The following DPP6 variants were observed in gnomAD, a reference collection of about 807,000 sequenced individuals.
DPP6 encodes dipeptidyl peptidase like 6.
DPP6 carries 69 observed loss-of-function variants against 122.6 expected under a neutral mutation model. That is an observed-to-expected ratio of 0.56 (90% CI 0.46 to 0.69). DPP6 has a LOEUF of 0.69. DPP6 is among the 30% of genes least tolerant of loss of function. DPP6 has a pLI of 0.00. For missense variants in DPP6, 928 were observed against 1,116.9 expected, an observed-to-expected ratio of 0.83 and a Z score of 2.41; for synonymous variants, 418 against 433.1, an observed-to-expected ratio of 0.97 and a Z score of 0.43.
intron 1 of DPP6, among the ~76,000 whole-genome samples, chr7:154,309,523 A>G (rs778286567): frequency 7.2e-5 from 11 of 152,214 alleles, no homozygotes; most frequent in Non-Finnish European, 1.5e-4. Context: ...CCGGAAGGGC[A>G]CATAGGTAAT....
intron 8 of DPP6, among the ~76,000 whole-genome samples, chr7:154,728,369 G>A (rs1027110777): frequency 3.9e-5 from 6 of 152,172 alleles, no homozygotes; most frequent in African/African-American, 9.7e-5. Context: ...TGCTGAGAGC[G>A]CCTCCACCTT....
At chr7:154,584,495 C>T (rs1023620671) in intron 5 of DPP6, among the ~76,000 whole-genome samples, 2 of 152,220 alleles carry the variant, frequency 1.3e-5, no homozygotes, top group East Asian at 1.9e-4. Flanking sequence ...AATAGAGCCT[C>T]GAGAAATATC....
the DPP6 span, among the ~76,000 whole-genome samples, chr7:153,785,989 AT>A: frequency 6.6e-6 from 1 of 151,590 alleles, no homozygotes; most frequent in Admixed American, 6.6e-5. Context: ...GTGTTTAAAT[AT>A]TTGTTATTTC....
intron 1 of DPP6, among the ~76,000 whole-genome samples, chr7:154,185,875 C>T (rs1051932657): frequency 3.3e-5 from 5 of 152,100 alleles, no homozygotes; most frequent in Admixed American, 2.6e-4. Context: ...CTGGGTAGAA[C>T]CAAAATAATG....
chr7:154,289,690 C>G (rs1298609308), intron 1 of DPP6, among the ~76,000 whole-genome samples: 1 of 152,168 alleles, frequency 6.6e-6, no homozygotes, highest in African/African-American at 2.4e-5. Flanking sequence ...CTTGTGGTAA[C>G]ACCTAGGCAG....
intron 1 of DPP6, among the ~76,000 whole-genome samples, chr7:154,313,712 T>TATATATATATATATATATATATTC: frequency 8.0e-5 from 2 of 24,922 alleles, no homozygotes; most frequent in East Asian, 2.1e-3. Flanking sequence ...TATATATATA[T>TATATATATATATATATATATATTC]ATACACACAC....
At chr7:154,078,219 T>C (rs1284397680) in intron 1 of DPP6, among the ~76,000 whole-genome samples, 3 of 152,168 alleles carry the variant, frequency 2.0e-5, no homozygotes, top group African/African-American at 7.2e-5. Flanking sequence ...TCTGCTTTCA[T>C]TGAATCCTTC....
At chr7:154,235,142 A>C (rs1801129450) in intron 1 of DPP6, among the ~76,000 whole-genome samples, 1 of 151,830 alleles carries the variant, frequency 6.6e-6, no homozygotes. Flanking sequence ...CATTTTTATC[A>C]CCCCCGAAGG....
At chr7:154,063,701 A>AG (rs1445282306) in intron 1 of DPP6, among the ~76,000 whole-genome samples, 9 of 144,688 alleles carry the variant, frequency 6.2e-5, no homozygotes, top group Middle Eastern at 3.5e-3. Context: ...ACCTCCCGTG[A>AG]GGTGGGGACT....
At chr7:154,261,505 A>G (rs1803014566) in intron 1 of DPP6, among the ~76,000 whole-genome samples, 1 of 152,222 alleles carries the variant, frequency 6.6e-6, no homozygotes. Flanking sequence ...TAAGAACCCA[A>G]AAGTAAGTGC....
chr7:154,532,273 T>C (rs758824602), intron 3 of DPP6, among the ~76,000 whole-genome samples: 4 of 152,162 alleles, frequency 2.6e-5, no homozygotes, highest in Middle Eastern at 6.8e-3. Context: ...TGAGGGAAAA[T>C]TGGAAATAAT....
chr7:154,674,758 G>A (rs1331143242), intron 7 of DPP6, among the ~76,000 whole-genome samples: 1 of 152,190 alleles, frequency 6.6e-6, no homozygotes, highest in Admixed American at 6.5e-5. Context: ...GAAACCTGCT[G>A]GAACTGGGGA....
intron 1 of DPP6, among the ~76,000 whole-genome samples, chr7:153,926,902 T>A (rs71545655): frequency 1.3e-5 from 2 of 152,236 alleles, no homozygotes; most frequent in Non-Finnish European, 2.9e-5. Context: ...TAAATTATTG[T>A]TGTGGAAAAT....
intron 3 of DPP6, among the ~76,000 whole-genome samples, chr7:154,537,223 A>G (rs1278538100): frequency 6.6e-6 from 1 of 152,204 alleles, no homozygotes; most frequent in African/African-American, 2.4e-5. Flanking sequence ...ACATTCCAAC[A>G]GAAAAAAGTG....
Position 154,795,890 on chromosome 7 carries a change from A to T in DPP6, c.1299+7A>T, listed in dbSNP as rs1386469209. 1 of 1,609,610 alleles carries T rather than the reference A, an allele frequency of 6.2e-7. No homozygotes were observed. Among genetic ancestry groups the T allele is most frequent in the East Asian group, 2.2e-5 (1 of 44,812 alleles). On this transcript the variant is annotated splice_region_variant and intron_variant, in intron 12 of 25. Transcript: ENST00000377770. The stretch of plus-strand genomic sequence containing the variant: ...GGCCTGGCTCCACAGACAGGTAACT[A>T]CTGCATGTCCGGGTCCCCACTGTCA...
chr7:153,865,366 A>G, the DPP6 span, among the ~76,000 whole-genome samples: 3 of 152,142 alleles, frequency 2.0e-5, no homozygotes, highest in East Asian at 1.9e-4. Flanking sequence ...TTTAATGAAG[A>G]TGGTAGGTTA....
chr7:154,856,348 C>G (rs1802825209), intron 17 of DPP6, among the ~76,000 whole-genome samples: 1 of 152,212 alleles, frequency 6.6e-6, no homozygotes. Flanking sequence ...CCTTGGGGCT[C>G]CTAAAGCCTC....
intron 1 of DPP6, among the ~76,000 whole-genome samples, chr7:154,347,926 T>C (rs1810533652): frequency 6.6e-6 from 1 of 152,212 alleles, no homozygotes; most frequent in Non-Finnish European, 1.5e-5. Context: ...ATTAAGCCCC[T>C]TGAGGCAAGT....
At chr7:154,066,759 G>A (rs140903360) in intron 1 of DPP6, among the ~76,000 whole-genome samples, 6,423 of 151,990 alleles carry the variant, frequency 0.042, 453 homozygotes, top group African/African-American at 0.15. Context: ...ACTTTTACTC[G>A]ATACCAACCA....
Sources: gnomAD v4.1 joint callset for allele counts (sites outside exome capture counted in the v4.1 genomes callset) on GRCh38, gnomAD v4.1.1 for gene constraint, MANE v1.5 for transcripts, NCBI Gene and HGNC (gene_info 2026-07-23, HGNC 2026-07-21) for gene names.